TXK: variants seen among roughly 807,000 people sequenced by gnomAD.
TXK encodes tyrosine-protein kinase TXK.
Under a neutral mutation model 81.0 loss-of-function variants are expected in TXK, and 60 were observed. The observed-to-expected ratio is 0.74, with a 90% CI of 0.60 to 0.92. The LOEUF is 0.92. TXK is among the 40% of genes least tolerant of loss of function. TXK has a pLI of 0.00. For missense variants in TXK, 581 were observed against 638.3 expected (o/e 0.91, Z 0.97); for synonymous variants, 203 against 210.7 (o/e 0.96, Z 0.32).
chr4:48,087,968 A>G (rs1717599465), intron 9 of TXK, among the ~76,000 whole-genome samples: 1 of 152,230 alleles, frequency 6.6e-6, no homozygotes, highest in African/African-American at 2.4e-5. Context: ...TAAATCAACT[A>G]GAGAAGACAT....
chr4:48,114,357 A>G lies in TXK; in HGVS notation c.62T>C (p.Val21Ala). 6.2e-7 allele frequency: 1 copy of G among 1,614,118 alleles called. No individual in the cohort carries two copies. Reference sequence around the variant, plus strand: ...TCGGAAGTAGACTTACCGCTTCTGCACTGAACAGCAACAGCAGCAACAGAA... The same window carrying G: ...TCGGAAGTAGACTTACCGCTTCTGCGCTGAACAGCAACAGCAGCAACAGAA... ...SVFCCCCCCSVQKRQMRTQIS... is the reference protein window; with the variant it reads ...SVFCCCCCCSAQKRQMRTQIS... Residue 21 changes from valine to alanine, a missense_variant, in exon 2 of 15, where the codon GTG becomes GCG. Transcript: ENST00000264316.
chr4:48,114,257 C>T (rs1718730842), intron 2 of TXK, 91 bp downstream of exon 2: 4 of 1,317,330 alleles, frequency 3.0e-6, no homozygotes, highest in Middle Eastern at 1.8e-4. Flanking sequence ...GTAGAGAGAA[C>T]AGCGGGTGCA....
At chr4:48,113,356 G>GT in intron 2 of TXK, 47 bp from the exon 3 acceptor site, 11 of 1,429,428 alleles carry the variant, frequency 7.7e-6, no homozygotes, top group Non-Finnish European at 1.1e-5. Context: ...TTGTACAAAA[G>GT]TTATCTATAC....
intron 1 of TXK, among the ~76,000 whole-genome samples, chr4:48,122,831 C>T (rs755834849): frequency 6.6e-6 from 1 of 152,216 alleles, no homozygotes; most frequent in Non-Finnish European, 1.5e-5. Context: ...CAAGCAGGTT[C>T]AATCCGAAGT....
chr4:48,074,450 T>C (rs955036584), intron 12 of TXK, among the ~76,000 whole-genome samples: 5 of 152,208 alleles, frequency 3.3e-5, no homozygotes, highest in Non-Finnish European at 7.4e-5. Context: ...TGGAAATGAA[T>C]GATTCAAAGT....
chr4:48,125,395 A>T (rs557532798), intron 1 of TXK, among the ~76,000 whole-genome samples: 11 of 152,352 alleles, frequency 7.2e-5, no homozygotes, highest in African/African-American at 2.6e-4. Context: ...AAATAGGAGC[A>T]GGTGTGGTTT....
chr4:48,068,864 A>C (rs1244160850), intron 14 of TXK, among the ~76,000 whole-genome samples: 1 of 152,242 alleles, frequency 6.6e-6, no homozygotes, highest in Non-Finnish European at 1.5e-5. Flanking sequence ...AGAAGACAGC[A>C]CAAGTGCAAG....
At chr4:48,098,476 G>T (rs1004190776) in intron 6 of TXK, among the ~76,000 whole-genome samples, 8 of 152,018 alleles carry the variant, frequency 5.3e-5, no homozygotes, top group Non-Finnish European at 1.2e-4. Flanking sequence ...ATATAGCAGC[G>T]CTAAGGAGAA....
chr4:48,069,043 C>T (rs1392709125), intron 14 of TXK, among the ~76,000 whole-genome samples: 1 of 152,216 alleles, frequency 6.6e-6, no homozygotes, highest in Non-Finnish European at 1.5e-5. Flanking sequence ...TTGCACCTGA[C>T]ATAATGACTC....
chr4:48,134,098 G>A, intron 1 of TXK, 57 bp downstream of exon 1: 1 of 1,598,672 alleles, frequency 6.3e-7, no homozygotes, highest in Admixed American at 1.7e-5. Flanking sequence ...TGCTGTTCAA[G>A]AATAACAGGC....
intron 11 of TXK, among the ~76,000 whole-genome samples, chr4:48,077,914 A>G (rs1717133132): frequency 6.6e-6 from 1 of 152,198 alleles, no homozygotes; most frequent in Non-Finnish European, 1.5e-5. Flanking sequence ...AACGGAGACA[A>G]TATTTCAACC....
At chr4:48,095,084 A>G (rs139923798) in intron 7 of TXK, 59 bp downstream of exon 7, 7 of 1,366,122 alleles carry the variant, frequency 5.1e-6, no homozygotes, top group African/African-American at 2.9e-5. Flanking sequence ...AACATTCTCT[A>G]TGTGATGGAG....
At chr4:48,082,899 C>A (rs1438776325) in intron 10 of TXK, among the ~76,000 whole-genome samples, 11 of 152,110 alleles carry the variant, frequency 7.2e-5, no homozygotes, top group Non-Finnish European at 1.3e-4. Context: ...ATCTTCCTAC[C>A]CCATCATCCC....
intron 13 of TXK, among the ~76,000 whole-genome samples, chr4:48,073,199 T>C (rs1716932886): frequency 6.6e-6 from 1 of 151,646 alleles, no homozygotes; most frequent in South Asian, 2.1e-4. Flanking sequence ...AGTGCTGGAA[T>C]TGTAGGCCTG....
chr4:48,086,105 C>T (rs114213307), intron 10 of TXK, among the ~76,000 whole-genome samples: 5,921 of 152,326 alleles, frequency 0.039, 150 homozygotes, highest in Non-Finnish European at 0.058. Context: ...TGCTCCTCCT[C>T]CCGTAAGGGA....
intron 1 of TXK, among the ~76,000 whole-genome samples, chr4:48,116,154 C>CT (rs1429892594): frequency 2.0e-5 from 3 of 152,148 alleles, no homozygotes; most frequent in Non-Finnish European, 4.4e-5. Flanking sequence ...AACTTTGTGA[C>CT]TTTGAGTAAA....
rs1370408134 is a variant in TXK at position 48,113,327 on chromosome 4, T to A, written c.72-18A>T. The A allele has an allele frequency of 6.4e-7, 1 of 1,571,100 alleles. No individual in the cohort carries two copies. Reference sequence around the variant, plus strand: ...TCATTTGTCTGACATTGAAAAGCAATCATGTTACAAATAATTATTTGTACA... The same window carrying A: ...TCATTTGTCTGACATTGAAAAGCAAACATGTTACAAATAATTATTTGTACA... On this transcript the variant is annotated intron_variant, in intron 2 of 14. Coordinates refer to ENST00000264316, the MANE Select transcript of TXK (RefSeq NM_003328.3).
intron 12 of TXK, among the ~76,000 whole-genome samples, chr4:48,075,598 C>T (rs1264248606): frequency 6.6e-6 from 1 of 151,844 alleles, no homozygotes; most frequent in Admixed American, 6.6e-5. Flanking sequence ...TGCAGTGAGC[C>T]GAGAGAGCAC....
chr4:48,110,699 A>G (rs1718607115), intron 4 of TXK, 96 bp from the exon 5 acceptor site: 1 of 877,986 alleles, frequency 1.1e-6, no homozygotes, highest in Non-Finnish European at 1.8e-6. Context: ...TGTAGGGGGG[A>G]AATCAAATTC....
Sources: allele counts gnomAD v4.1 joint callset (sites outside exome capture counted in the v4.1 genomes callset), GRCh38; gene constraint gnomAD v4.1.1; transcripts MANE v1.5; gene names NCBI Gene and HGNC (gene_info 2026-07-23, HGNC 2026-07-21).